Variants in COA1 observed in about 807,000 individuals in gnomAD.
COA1 encodes cytochrome c oxidase assembly factor 1.
Under a neutral mutation model 16.0 loss-of-function variants are expected in COA1, and 13 were observed. That is an observed-to-expected ratio of 0.81 (90% CI 0.53 to 1.29). The LOEUF is 1.29. COA1 is among the 50% of genes most tolerant of loss of function. The pLI is 0.00. For synonymous variants in COA1, 65 were observed against 65.7 expected, an observed-to-expected ratio of 0.99 and a Z score of 0.05; for missense variants, 179 against 177.0, an observed-to-expected ratio of 1.01 and a Z score of -0.06.
intron 2 of COA1, chr7:43,648,279 C>T (rs963297442): frequency 5.0e-5 from 22 of 441,696 alleles, no homozygotes; most frequent in Admixed American, 1.1e-4. Context: ...ATAATGAAAA[C>T]GGTCAGAGCA....
At chr7:43,685,665 C>T (rs2093989110) in intron 1 of COA1, among the ~76,000 whole-genome samples, 1 of 152,266 alleles carries the variant, frequency 6.6e-6, no homozygotes, top group South Asian at 2.1e-4. Context: ...TATGAAGACC[C>T]TCTCCAGTGT....
At chr7:43,646,016 G>A (rs1233239204) in intron 3 of COA1, 4 of 153,306 alleles carry the variant, frequency 2.6e-5, no homozygotes, top group African/African-American at 9.7e-5. Context: ...AGGCTACCTG[G>A]GAACTCCGGG....
intron 1 of COA1, among the ~76,000 whole-genome samples, chr7:43,699,281 T>G (rs554899742): frequency 6.6e-6 from 1 of 152,284 alleles, no homozygotes; most frequent in Admixed American, 6.5e-5. Context: ...AAGAAGTACC[T>G]AGTTCATAAC....
chr7:43,654,936 A>G (rs556661271), intron 1 of COA1, among the ~76,000 whole-genome samples: 50 of 152,370 alleles, frequency 3.3e-4, no homozygotes, highest in African/African-American at 1.2e-3. Context: ...CTGTGTGAAG[A>G]GGAAGACATT....
At chr7:43,726,917 A>C (rs748072033) in intron 1 of COA1, among the ~76,000 whole-genome samples, 14 of 152,234 alleles carry the variant, frequency 9.2e-5, no homozygotes, top group Non-Finnish European at 1.6e-4. Flanking sequence ...AATGGGCAAT[A>C]AGCACTTGAA....
In COA1 at chr7:43,713,608, A is replaced by T. The variant is rs575256871; in HGVS notation, c.-39+15821T>A. Among the ~76,000 whole-genome samples, 19 of 152,256 alleles carry T rather than the reference A, an allele frequency of 1.2e-4. 1 individual carries two copies. The South Asian group carries it at 3.1e-3, about 25-fold the overall frequency. Reference sequence around the variant, plus strand: ...TAATTGGGGTAGGAGATTGTTGGTAACTGTTTTTTTCCCCTGCAAAGTCTG... The same window carrying T: ...TAATTGGGGTAGGAGATTGTTGGTATCTGTTTTTTTCCCCTGCAAAGTCTG... On this transcript the variant is annotated intron_variant, in intron 1 of 5. Coordinates refer to ENST00000223336, the MANE Select transcript of COA1 (RefSeq NM_018224.4).
chr7:43,709,814 C>T (rs1297311752), intron 1 of COA1, among the ~76,000 whole-genome samples: 3 of 152,108 alleles, frequency 2.0e-5, no homozygotes, highest in African/African-American at 7.2e-5. Context: ...TAGCCCGTAA[C>T]TAAATCTTAT....
intron 4 of COA1, chr7:43,641,817 A>C (rs2087207342): frequency 6.6e-6 from 1 of 152,220 alleles, no homozygotes; most frequent in African/African-American, 2.4e-5. Flanking sequence ...TTGAGAAAAA[A>C]AACAGTGAAT....
At chr7:43,710,376 A>T (rs2095190457) in intron 1 of COA1, among the ~76,000 whole-genome samples, 1 of 39,330 alleles carries the variant, frequency 2.5e-5, no homozygotes, top group Admixed American at 2.6e-4. Context: ...AAAAAAAAAA[A>T]TATATATATA....
chr7:43,632,693 T>G (rs1409355724), intron 6 of COA1: 1 of 152,188 alleles, frequency 6.6e-6, no homozygotes, highest in African/African-American at 2.4e-5. Flanking sequence ...GGTGCATTGT[T>G]AATGAGTAGC....
rs371820498 is a variant in COA1, at chr7:43,611,880, A to G, written c.*134-2385T>C. ...CCTATAGGAAATGAGCTTTCAGCTTATGACAGTTGAACCTGTGACTATTCA... is the reference window on the plus strand; with the variant it reads ...CCTATAGGAAATGAGCTTTCAGCTTGTGACAGTTGAACCTGTGACTATTCA... On this transcript the variant is annotated intron_variant and NMD_transcript_variant, in intron 6 of 6. Transcript: ENST00000415076. Among the ~76,000 whole-genome samples the G allele has an allele frequency of 3.3e-5, 5 of 152,362 alleles. No homozygotes were observed. In the South Asian group the frequency reaches 1.0e-3, roughly 32 times the overall value.
intron 4 of COA1, among the ~76,000 whole-genome samples, chr7:43,644,817 G>GAGAGAGAGAGAGAGAGAGAGATAC (rs1245137600): frequency 7.9e-6 from 1 of 126,614 alleles, no homozygotes; most frequent in Non-Finnish European, 1.9e-5. Flanking sequence ...GAGAGAGAGA[G>GAGAGAGAGAGAGAGAGAGAGATAC]AGAGAGAGAG....
At chr7:43,711,195 G>A (rs943640263) in intron 1 of COA1, among the ~76,000 whole-genome samples, 9 of 151,702 alleles carry the variant, frequency 5.9e-5, no homozygotes, top group African/African-American at 1.9e-4. Flanking sequence ...AAAAAATAAG[G>A]GTCACTAGCA....
At chr7:43,691,347 G>GGGAC (rs1201630798) in intron 1 of COA1, among the ~76,000 whole-genome samples, 1 of 12,994 alleles carries the variant, frequency 7.7e-5, no homozygotes, top group African/African-American at 3.4e-4. Flanking sequence ...GAGAGAGGGA[G>GGGAC]GGAGGGAGGG....
chr7:43,621,068 G>A lies in COA1; in HGVS notation c.*134-11573C>T, dbSNP rs550262388. Among the ~76,000 whole-genome samples, 24 of 152,262 alleles carry A rather than the reference G, an allele frequency of 1.6e-4. No individual in the cohort carries two copies. The East Asian group carries it at 2.7e-3, about 17-fold the overall frequency. On this transcript the variant is annotated intron_variant and NMD_transcript_variant, in intron 6 of 6. Transcript: ENST00000415076. ...GGATGTTACAAGAAAAGAGCTATCC[G>A]GAGCACAGAAAGACTCAGGAGGGCC...
chr7:43,691,419 GAAAAAGAAAGAAAGAA>G (rs1287277851), intron 1 of COA1, among the ~76,000 whole-genome samples: 25 of 82,270 alleles, frequency 3.0e-4, no homozygotes, highest in African/African-American at 1.2e-3. Flanking sequence ...AAGGAAGAAA[GAAAAAGAAAGAAAGAA>G]AGAAAGAAAG....
intron 1 of COA1, among the ~76,000 whole-genome samples, chr7:43,710,375 A>AATATATAT (rs1554558920): frequency 0.011 from 390 of 36,426 alleles, 6 homozygotes; most frequent in Middle Eastern, 0.047. Context: ...AAAAAAAAAA[A>AATATATAT]ATATATATAT....
rs576928319 is a variant in COA1, at chr7:43,639,473, A to T, written c.*109T>A. On this transcript the variant is annotated 3_prime_UTR_variant, in exon 6 of 6. Coordinates refer to ENST00000223336, the MANE Select transcript of COA1 (RefSeq NM_018224.4). ...CCATCATCCCACTGGTGGCTGGAAA[A>T]CTGGGTTGCAGGAGTGTCTGTCACT... is the stretch of plus-strand genomic sequence containing the variant. 2.8e-4 allele frequency: 223 copies of T among 802,118 alleles called. No homozygotes were observed. Among genetic ancestry groups the T allele is most frequent in the East Asian group, 2.6e-3 (104 of 39,688 alleles). The allele number at this position is 802,118 out of a possible 1,614,324, so 49.7% of individuals were successfully genotyped here.
chr7:43,705,546 A>G (rs956171437), intron 1 of COA1, among the ~76,000 whole-genome samples: 6 of 152,132 alleles, frequency 3.9e-5, no homozygotes, highest in Non-Finnish European at 5.9e-5. Context: ...CAGTTGGGGG[A>G]GGTCCTCAGA....
Sources: allele counts gnomAD v4.1 joint callset (sites outside exome capture counted in the v4.1 genomes callset), GRCh38; gene constraint gnomAD v4.1.1; transcripts MANE v1.5; gene names NCBI Gene and HGNC (gene_info 2026-07-23, HGNC 2026-07-21).